The following INPP5F variants were observed in gnomAD, a reference collection of about 807,000 sequenced individuals.
INPP5F encodes the protein inositol polyphosphate-5-phosphatase F, also known as phosphatidylinositide 4-phosphatase SAC2.
INPP5F carries 97 observed loss-of-function variants against 137.2 expected under a neutral mutation model. The observed-to-expected ratio is 0.71, with a 90% CI of 0.60 to 0.84. The LOEUF (loss-of-function observed/expected upper bound fraction) is 0.84, where lower values mean the gene tolerates loss of function less well. Among genes scored for constraint, INPP5F ranks in the 40% least tolerant of loss-of-function variants. The pLI, the probability that INPP5F is intolerant of heterozygous loss-of-function variation, is 0.00. For synonymous variants in INPP5F, 504 were observed against 476.9 expected, an observed-to-expected ratio of 1.06 and a Z score of -0.74; for missense variants, 1,271 against 1,371.9, an observed-to-expected ratio of 0.93 and a Z score of 1.16.
intron 9 of INPP5F, among the ~76,000 whole-genome samples, 176 bp downstream of exon 9, chr10:119,798,786 CTTTTTTTTTTTTTT>C (rs374141329): frequency 3.0e-5 from 3 of 100,692 alleles, no homozygotes; most frequent in Non-Finnish European, 4.0e-5. Flanking sequence ...GAGTCAGCTA[CTTTTTTTTTTTTTT>C]TTTTTTTTTT....
intron 1 of INPP5F, among the ~76,000 whole-genome samples, chr10:119,729,784 T>C (rs1848001996): frequency 6.7e-6 from 1 of 148,824 alleles, no homozygotes; most frequent in African/African-American, 2.5e-5. Flanking sequence ...GGAGTCTCAC[T>C]ATATGGCTCA....
chr10:119,779,821 A>G (rs1290640704), intron 2 of INPP5F, among the ~76,000 whole-genome samples: 2 of 152,198 alleles, frequency 1.3e-5, no homozygotes, highest in African/African-American at 4.8e-5. Context: ...CTCTTCTGTA[A>G]TAACACTTAG....
chr10:119,729,225 A>G (rs1302382780), intron 1 of INPP5F, among the ~76,000 whole-genome samples: 1 of 152,060 alleles, frequency 6.6e-6, no homozygotes, highest in African/African-American at 2.4e-5. Flanking sequence ...GGCTCACTGC[A>G]ACCTCTGCCT....
In INPP5F at chr10:119,820,833, CATATT is replaced by C. The variant is rs1325044440; in HGVS notation, c.1887-12_1887-8del. On this transcript the variant is annotated splice_polypyrimidine_tract_variant and splice_region_variant and intron_variant, in intron 15 of 19. Transcript: ENST00000650623. ...AATGAAAATACTTAATCTCCTGTGT[CATATT>C]TGTTTAGCCTCATTGATGCTACTCA... is the stretch of plus-strand genomic sequence containing the variant. The C allele has an allele frequency of 6.3e-7, 1 of 1,587,566 alleles. No homozygotes were observed. The highest frequency in any genetic ancestry group is 8.7e-7 in the Non-Finnish European group (1 of 1,155,844).
At chr10:119,784,400 T>C (rs994295647) in intron 3 of INPP5F, among the ~76,000 whole-genome samples, 1 of 152,220 alleles carries the variant, frequency 6.6e-6, no homozygotes, top group African/African-American at 2.4e-5. Flanking sequence ...TCTAGTCTTA[T>C]TATTTTTTTA....
rs1284677315 is a variant in INPP5F at position 119,787,401 on chromosome 10, A to G, written c.316-4116A>G. Reference sequence around the variant, plus strand: ...GGAGTTCAAGACCAGCCTGGCCAACATGGTGAAACCCTGTCTCTACTAAAA... The same window carrying G: ...GGAGTTCAAGACCAGCCTGGCCAACGTGGTGAAACCCTGTCTCTACTAAAA... On this transcript the variant is annotated intron_variant, in intron 3 of 19. Coordinates refer to ENST00000650623, the MANE Select transcript of INPP5F (RefSeq NM_014937.4). The surrounding 1 kb of genome is among the most constrained non-coding windows in gnomAD (Gnocchi z 4.1). Among the ~76,000 whole-genome samples the G allele has an allele frequency of 6.6e-6, 1 of 152,166 alleles. No homozygotes were observed. Among genetic ancestry groups the G allele is most frequent in the Non-Finnish European group, 1.5e-5 (1 of 68,024 alleles).
chr10:119,730,395 C>T (rs1238538942), intron 1 of INPP5F, among the ~76,000 whole-genome samples: 2 of 152,250 alleles, frequency 1.3e-5, no homozygotes, highest in Non-Finnish European at 2.9e-5. Flanking sequence ...CAGGCATGAG[C>T]CACCGCGCCC....
At chr10:119,727,661 T>G (rs1847932235) in intron 1 of INPP5F, among the ~76,000 whole-genome samples, 1 of 152,244 alleles carries the variant, frequency 6.6e-6, no homozygotes, top group South Asian at 2.1e-4. Flanking sequence ...AGGCTCTGTC[T>G]ATATTTTCTT....
chr10:119,819,392 A>T, intron 15 of INPP5F: 4 of 1,409,758 alleles, frequency 2.8e-6, no homozygotes, highest in Non-Finnish European at 3.7e-6. Context: ...TTGACTGGGG[A>T]TCATGTTTGG....
At chr10:119,745,447 A>G (rs552829372) in intron 1 of INPP5F, among the ~76,000 whole-genome samples, 13 of 150,844 alleles carry the variant, frequency 8.6e-5, no homozygotes, top group African/African-American at 1.5e-4. Context: ...CTTACTCCCA[A>G]TCTCCACCTC....
chr10:119,764,166 A>G (rs1044343031), intron 2 of INPP5F, among the ~76,000 whole-genome samples: 1 of 152,108 alleles, frequency 6.6e-6, no homozygotes, highest in Non-Finnish European at 1.5e-5. Context: ...GCTTTTTCTA[A>G]TAGTATGCAC....
At position 119,756,680 on chromosome 10, in the gene INPP5F, A is replaced by G. The variant is rs535150720; in HGVS notation, c.178+5524A>G. Among the ~76,000 whole-genome samples, 18 of 152,294 alleles carry G rather than the reference A, an allele frequency of 1.2e-4. No individual in the cohort carries two copies. In the East Asian group the frequency reaches 3.5e-3, roughly 29 times the overall value. ...ACAAAAAAATAGAACAAGTCACTAA[A>G]AGACTACATTGTGAAAATGTATAAA... On this transcript the variant is annotated intron_variant, in intron 2 of 19. Transcript: ENST00000650623.
intron 3 of INPP5F, 38 bp downstream of exon 3, chr10:119,781,809 A>G: frequency 6.7e-7 from 1 of 1,501,274 alleles, no homozygotes; most frequent in Non-Finnish European, 9.1e-7. Context: ...GAAACCTGAT[A>G]TAAATGTAAT....
rs1004591491 is a variant in INPP5F, at chr10:119,787,095, G to T, written c.316-4422G>T. On this transcript the variant is annotated intron_variant, in intron 3 of 19. Transcript: ENST00000650623. This position sits in a 1 kb window ranked among gnomAD's most constrained non-coding sequence, Gnocchi z 4.1. Reference sequence around the variant, plus strand: ...CAATGGTATGAATGTTCATACTAAGGGAGGTAAGTGATGATTATCAGTATC... The same window carrying T: ...CAATGGTATGAATGTTCATACTAAGTGAGGTAAGTGATGATTATCAGTATC... Among the ~76,000 whole-genome samples the T allele has an allele frequency of 1.3e-5, 2 of 152,066 alleles. No individual in the cohort carries two copies. The highest frequency in any genetic ancestry group is 2.9e-5 in the Non-Finnish European group (2 of 68,042).
chr10:119,770,352 T>C (rs1849301013), intron 2 of INPP5F, among the ~76,000 whole-genome samples: 1 of 152,234 alleles, frequency 6.6e-6, no homozygotes, highest in African/African-American at 2.4e-5. Flanking sequence ...AAGTTTCTTT[T>C]CCTGGTGGGT....
intron 2 of INPP5F, among the ~76,000 whole-genome samples, chr10:119,765,741 C>CTG (rs34906556): frequency 0.1 from 12,761 of 127,532 alleles, 604 homozygotes; most frequent in African/African-American, 0.13. Flanking sequence ...CAAGGGTAAA[C>CTG]TGTGTGTGTG....
intron 3 of INPP5F, among the ~76,000 whole-genome samples, chr10:119,790,117 A>C (rs1239409993): frequency 1.3e-5 from 2 of 151,892 alleles, no homozygotes; most frequent in African/African-American, 4.8e-5. Flanking sequence ...TGAGGAGTGC[A>C]GAGTGAGTAA....
chr10:119,807,846 A>G (rs888546329), intron 12 of INPP5F, 86 bp from the exon 13 acceptor site: 109 of 1,306,350 alleles, frequency 8.3e-5, no homozygotes, highest in South Asian at 1.2e-4. Context: ...ATTGTATATG[A>G]ATATGTTTCC....
Position 119,751,127 on chromosome 10 carries a change from G to A in INPP5F, c.149G>A (p.Gly50Asp), listed in dbSNP as rs760135643. The change falls in exon 2 of 20, where the codon GGT becomes GAT. Residue 50 changes from glycine to aspartate, a missense_variant. Physicochemically the swap from Gly to Asp is moderately conservative, Grantham distance 94. Around this residue, in one of 6 missense-constraint regions of INPP5F, gnomAD observed 109 missense variants for 105.1 expected, o/e 1.04. Coordinates refer to ENST00000650623, the MANE Select transcript of INPP5F (RefSeq NM_014937.4). ...CCCATTTGTTTGGGGTTGGTAGAAG[G>A]TGTTATTGGGAAAATTCAACTTCAT... is the stretch of plus-strand genomic sequence containing the variant. Reference protein sequence around the residue: ...WNPICLGLVEGVIGKIQLHSD... With the variant: ...WNPICLGLVEDVIGKIQLHSD... 1 of 1,610,490 alleles carries A rather than the reference G, an allele frequency of 6.2e-7. No homozygotes were observed. The highest frequency in any genetic ancestry group is 8.5e-7 in the Non-Finnish European group (1 of 1,176,726).
Sources: allele counts gnomAD v4.1 joint callset (sites outside exome capture counted in the v4.1 genomes callset), GRCh38; gene constraint gnomAD v4.1.1; regional missense constraint gnomAD v4.1.1; non-coding constraint Gnocchi (gnomAD v3.1); transcripts MANE v1.5; gene names NCBI Gene and HGNC (gene_info 2026-07-23, HGNC 2026-07-21).